The following MIA2 variants were observed in gnomAD, a reference collection of about 807,000 sequenced individuals.
MIA2 encodes the protein melanoma inhibitory activity protein 2.
Under a neutral mutation model 167.8 loss-of-function variants are expected in MIA2, and 127 were observed. The observed-to-expected ratio is 0.76, with a 90% confidence interval of 0.66 to 0.88. The LOEUF (loss-of-function observed/expected upper bound fraction) is 0.88. Ranked by LOEUF, MIA2 falls within the 40% of genes least tolerant of loss-of-function variation. The pLI is 0.00. For missense variants in MIA2, 1,690 were observed against 1,624.7 expected (o/e 1.04, Z -0.69); for synonymous variants, 552 against 541.9 (o/e 1.02, Z -0.26).
chr14:39,347,413 GA>G (rs1181915571), intron 26 of MIA2: 10 of 340,940 alleles, frequency 2.9e-5, no homozygotes, highest in African/African-American at 2.2e-4. Flanking sequence ...AAGGAGGGAG[GA>G]GGAAAAGAAG....
At chr14:39,359,684 A>G (rs772078117) in intron 23 of MIA2, among the ~76,000 whole-genome samples, 3 of 152,118 alleles carry the variant, frequency 2.0e-5, no homozygotes, top group Non-Finnish European at 4.4e-5. Flanking sequence ...CTATTTGGCT[A>G]TCTTGCCCCA....
intron 9 of MIA2, among the ~76,000 whole-genome samples, chr14:39,288,690 T>G (rs1016266848): frequency 5.3e-5 from 8 of 150,946 alleles, no homozygotes; most frequent in African/African-American, 9.8e-5. Context: ...CTGGAACTCC[T>G]GACCCTGTGA....
chr14:39,336,584 C>G (rs1165595929), intron 25 of MIA2, among the ~76,000 whole-genome samples: 4 of 152,148 alleles, frequency 2.6e-5, no homozygotes, highest in African/African-American at 9.7e-5. Flanking sequence ...CAGTGTTGAA[C>G]AGTCTACAAT....
chr14:39,376,343 T>A (rs1334712734), intron 23 of MIA2, among the ~76,000 whole-genome samples: 1 of 152,236 alleles, frequency 6.6e-6, no homozygotes, highest in Non-Finnish European at 1.5e-5. Context: ...TAAATGAGTT[T>A]AACATGATAA....
At chr14:39,234,589 C>T (rs2152588080) in intron 1 of MIA2, among the ~76,000 whole-genome samples, 1 of 152,000 alleles carries the variant, frequency 6.6e-6, no homozygotes, top group South Asian at 2.1e-4. Flanking sequence ...TAAAAAAAGA[C>T]ATCAGGCTAA....
chr14:39,329,127 CCT>C (rs200916378), intron 25 of MIA2, among the ~76,000 whole-genome samples: 4,788 of 152,170 alleles, frequency 0.031, 275 homozygotes, highest in African/African-American at 0.11. Flanking sequence ...TTGTTTGTGT[CCT>C]CTCTTATTTC....
intron 9 of MIA2, among the ~76,000 whole-genome samples, chr14:39,284,932 A>G (rs1036340604): frequency 6.6e-6 from 1 of 151,938 alleles, no homozygotes; most frequent in African/African-American, 2.4e-5. Flanking sequence ...GGTACTTGAG[A>G]TTAGGGAGTG....
intron 25 of MIA2, among the ~76,000 whole-genome samples, chr14:39,329,915 T>C (rs952609724): frequency 2.6e-5 from 4 of 152,212 alleles, no homozygotes; most frequent in Non-Finnish European, 4.4e-5. Flanking sequence ...ATCAGAGATA[T>C]TGGCCTGAAA....
intron 6 of MIA2, among the ~76,000 whole-genome samples, chr14:39,260,359 C>G (rs2055038997): frequency 6.6e-6 from 1 of 152,238 alleles, no homozygotes. Flanking sequence ...CACATCCTCT[C>G]CAGCACCTGT....
intron 24 of MIA2, among the ~76,000 whole-genome samples, chr14:39,326,596 T>C (rs1348946185): frequency 6.7e-6 from 1 of 149,496 alleles, no homozygotes; most frequent in African/African-American, 2.4e-5. Context: ...TTTATGCTTT[T>C]TATTTAATCA....
intron 6 of MIA2, chr14:39,276,341 T>C (rs1025443099): frequency 6.6e-6 from 1 of 152,228 alleles, no homozygotes; most frequent in Non-Finnish European, 1.5e-5. Context: ...TTACCCTTTT[T>C]TGAGCACCTG....
In MIA2 at chr14:39,247,627, C is replaced by T; in HGVS notation, c.1053C>T (p.Ala351=). The change falls in exon 4 of 29, where the codon GCC becomes GCT. Residue 351 remains alanine (A), a synonymous_variant. Coordinates refer to ENST00000640607, the MANE Select transcript of MIA2 (RefSeq NM_001329214.4). Reference sequence around the variant, plus strand: ...ATTCCATATCATCTGATAAAGAAGCCACAGTTCCATGTACAGAAATATTAA... The same window carrying T: ...ATTCCATATCATCTGATAAAGAAGCTACAGTTCCATGTACAGAAATATTAA... The part of the protein sequence containing the change: ...FPNSISSDKE[A]TVPCTEILTE... 1.2e-6 allele frequency: 2 copies of T among 1,613,526 alleles called. No individual in the cohort carries two copies. The highest frequency in any genetic ancestry group is 1.7e-6 in the Non-Finnish European group (2 of 1,179,904).
chr14:39,277,627 G>T (rs571012413), intron 7 of MIA2, among the ~76,000 whole-genome samples: 2 of 137,230 alleles, frequency 1.5e-5, no homozygotes, highest in African/African-American at 5.4e-5. Context: ...GGGATTACAG[G>T]TTTGAGCCAC....
intron 23 of MIA2, among the ~76,000 whole-genome samples, chr14:39,382,984 G>T (rs1169054655): frequency 9.2e-5 from 9 of 97,312 alleles, no homozygotes; most frequent in African/African-American, 3.6e-4. Context: ...TTTGGTAAGA[G>T]ATATAACTTT....
chr14:39,332,162 C>T (rs1217056583), intron 25 of MIA2, among the ~76,000 whole-genome samples: 1 of 152,106 alleles, frequency 6.6e-6, no homozygotes, highest in East Asian at 1.9e-4. Flanking sequence ...TTTCTCTAAT[C>T]TTGTCTTCAC....
chr14:39,280,573 A>T (rs764538766), intron 9 of MIA2, among the ~76,000 whole-genome samples: 12 of 152,128 alleles, frequency 7.9e-5, no homozygotes, highest in Admixed American at 2.0e-4. Flanking sequence ...CCTACTAAAA[A>T]TACAAAAAAA....
intron 23 of MIA2, among the ~76,000 whole-genome samples, chr14:39,362,596 T>C (rs1161887913): frequency 6.6e-6 from 1 of 152,174 alleles, no homozygotes; most frequent in Non-Finnish European, 1.5e-5. Context: ...GTCTAGCTAG[T>C]AGTTTATCCA....
intron 23 of MIA2, among the ~76,000 whole-genome samples, chr14:39,359,398 G>C (rs116719205): frequency 0.015 from 2,328 of 152,294 alleles, 40 homozygotes; most frequent in African/African-American, 0.045. Flanking sequence ...AAGACCGTTG[G>C]AAAAACGCAG....
intron 17 of MIA2, among the ~76,000 whole-genome samples, chr14:39,307,168 A>C (rs1028704090): frequency 2.0e-5 from 3 of 152,176 alleles, no homozygotes; most frequent in Admixed American, 1.3e-4. Flanking sequence ...TTTAAGTATT[A>C]TTAAGAGAGA....
Sources: allele counts gnomAD v4.1 joint callset (sites outside exome capture counted in the v4.1 genomes callset), GRCh38; gene constraint gnomAD v4.1.1; transcripts MANE v1.5; gene names NCBI Gene and HGNC (gene_info 2026-07-23, HGNC 2026-07-21).